The following NELL2 variants were observed in gnomAD, a reference collection of about 807,000 sequenced individuals.
The protein encoded by NELL2 is protein kinase C-binding protein NELL2.
NELL2 carries 41 observed loss-of-function variants against 109.6 expected under a neutral mutation model. That is an observed-to-expected ratio of 0.37 (90% CI 0.29 to 0.49). NELL2 has a LOEUF of 0.49. NELL2 is among the 20% of genes least tolerant of loss of function. The pLI, the probability that NELL2 is intolerant of heterozygous loss-of-function variation, is 0.98. For synonymous variants in NELL2, 355 were observed against 344.7 expected, an observed-to-expected ratio of 1.03 and a Z score of -0.33; for missense variants, 900 against 1,008.3, an observed-to-expected ratio of 0.89 and a Z score of 1.45.
At chr12:44,645,265 G>A (rs1473817539) in intron 13 of NELL2, among the ~76,000 whole-genome samples, 1 of 152,060 alleles carries the variant, frequency 6.6e-6, no homozygotes, top group Non-Finnish European at 1.5e-5. Context: ...AAGAACATGG[G>A]CCAATTTTTT....
At chr12:44,908,989 A>C (rs987962303) in intron 1 of NELL2, among the ~76,000 whole-genome samples, 1 of 151,972 alleles carries the variant, frequency 6.6e-6, no homozygotes, top group African/African-American at 2.4e-5. Flanking sequence ...ACACATAAGA[A>C]CAGAGTAATT....
chr12:44,790,416 C>T (rs1201203198), intron 3 of NELL2, among the ~76,000 whole-genome samples: 2 of 151,988 alleles, frequency 1.3e-5, no homozygotes, highest in East Asian at 3.9e-4. Flanking sequence ...TTTTTGAGAC[C>T]AAGAAATGCT....
chr12:44,797,313 A>G (rs938880952), intron 3 of NELL2, among the ~76,000 whole-genome samples: 7 of 152,136 alleles, frequency 4.6e-5, no homozygotes, highest in Non-Finnish European at 7.4e-5. Flanking sequence ...TGCATCAAGG[A>G]TGGTCATATC....
chr12:44,718,204 C>T lies in NELL2; in HGVS notation c.995-3463G>A, dbSNP rs188580568. 5.7e-4 allele frequency among the ~76,000 whole-genome samples: 86 copies of T among 152,206 alleles called. 3 individuals carry two copies. In the East Asian group the frequency reaches 0.01, roughly 19 times the overall value. ...AAGTGTGTAAACAGAGGAGGGAAAG[C>T]AGATCGGGCCTATGCCCTAATTTTA... On this transcript the variant is annotated intron_variant, in intron 9 of 19. Transcript: ENST00000429094.
At chr12:44,748,539 A>G (rs1213454826) in intron 9 of NELL2, among the ~76,000 whole-genome samples, 1 of 152,192 alleles carries the variant, frequency 6.6e-6, no homozygotes, top group African/African-American at 2.4e-5. Flanking sequence ...AAAACTAAAT[A>G]AATCAGAGTT....
At chr12:44,810,799 T>C (rs757868916) in intron 3 of NELL2, among the ~76,000 whole-genome samples, 1 of 152,238 alleles carries the variant, frequency 6.6e-6, no homozygotes, top group Non-Finnish European at 1.5e-5. Flanking sequence ...GGGACAGGAA[T>C]GGAGTGCCTT....
At chr12:44,875,428 G>A (rs1393389796) in intron 1 of NELL2, 75 bp from the exon 2 acceptor site, 1 of 1,613,698 alleles carries the variant, frequency 6.2e-7, no homozygotes, top group African/African-American at 1.3e-5. Context: ...CTCCAGGGCA[G>A]CAAAGAACCG....
intron 13 of NELL2, among the ~76,000 whole-genome samples, chr12:44,620,852 G>C (rs2136271169): frequency 6.6e-6 from 1 of 152,204 alleles, no homozygotes; most frequent in Middle Eastern, 3.4e-3. Context: ...TGACAACACT[G>C]TCTCCAGTTT....
chr12:44,791,101 A>G (rs1566403962), intron 3 of NELL2, among the ~76,000 whole-genome samples: 4 of 24,966 alleles, frequency 1.6e-4, no homozygotes, highest in East Asian at 1.1e-3. Context: ...ATATATGTAT[A>G]TATATATGTA....
intron 17 of NELL2, among the ~76,000 whole-genome samples, chr12:44,522,413 A>AT (rs576537182): frequency 6.6e-6 from 1 of 151,948 alleles, no homozygotes; most frequent in Admixed American, 6.6e-5. Context: ...ACCAGAAAAT[A>AT]TTTTTTTTCA....
At chr12:44,682,299 T>A (rs1046310454) in intron 12 of NELL2, among the ~76,000 whole-genome samples, 5 of 151,002 alleles carry the variant, frequency 3.3e-5, no homozygotes, top group African/African-American at 1.2e-4. Context: ...TTTGAGTTCA[T>A]TGTAGATTCT....
chr12:44,620,466 A>G (rs930183629), intron 13 of NELL2, among the ~76,000 whole-genome samples: 1 of 152,156 alleles, frequency 6.6e-6, no homozygotes, highest in Non-Finnish European at 1.5e-5. Context: ...CAGAATGGCA[A>G]TCTTGCAGTA....
intron 13 of NELL2, among the ~76,000 whole-genome samples, chr12:44,655,940 T>C (rs567234526): frequency 1.2e-4 from 18 of 152,328 alleles, no homozygotes; most frequent in Non-Finnish European, 1.9e-4. Context: ...AATTTCCTGA[T>C]AGTTTGCAAT....
In NELL2 at chr12:44,821,415, A is replaced by G. The variant is rs1277995790; in HGVS notation, c.185-5279T>C. Among the ~76,000 whole-genome samples, 3 of 152,336 alleles carry G rather than the reference A, an allele frequency of 2.0e-5. No homozygotes were observed. In the East Asian group the frequency reaches 5.8e-4, roughly 29 times the overall value. The stretch of plus-strand genomic sequence containing the variant: ...ACAAATGCAAATAAGAGAGCAACCA[A>G]CACAGAAAATAATTCAGAAACAAGT... On this transcript the variant is annotated intron_variant, in intron 2 of 19. Transcript: ENST00000429094.
chr12:44,727,646 G>A (rs971766938), intron 9 of NELL2, among the ~76,000 whole-genome samples: 1 of 151,942 alleles, frequency 6.6e-6, no homozygotes, highest in African/African-American at 2.4e-5. Flanking sequence ...ACCTGTACTT[G>A]TACCTTGGGA....
intron 9 of NELL2, among the ~76,000 whole-genome samples, chr12:44,759,098 T>C (rs1452704975): frequency 6.6e-6 from 1 of 152,198 alleles, no homozygotes; most frequent in African/African-American, 2.4e-5. Flanking sequence ...ATACTTCCTA[T>C]CTTGTTACTC....
intron 15 of NELL2, among the ~76,000 whole-genome samples, chr12:44,535,239 C>T (rs548709194): frequency 6.6e-6 from 1 of 151,988 alleles, no homozygotes; most frequent in African/African-American, 2.4e-5. Context: ...GCTGTTCCTA[C>T]ACTTTTGATG....
At chr12:44,917,783 G>A (rs1001042916), upstream of NELL2, among the ~76,000 whole-genome samples, 12 of 152,312 alleles carry the variant, frequency 7.9e-5, no homozygotes, top group African/African-American at 2.9e-4. Flanking sequence ...CTGTGGGCTA[G>A]AGAAGTAAGG....
intron 9 of NELL2, among the ~76,000 whole-genome samples, chr12:44,740,487 A>G (rs1056648126): frequency 6.6e-6 from 1 of 152,180 alleles, no homozygotes; most frequent in Non-Finnish European, 1.5e-5. Context: ...GTTTGCATCA[A>G]AGTTTGCTGT....
Sources: allele counts gnomAD v4.1 joint callset (sites outside exome capture counted in the v4.1 genomes callset), GRCh38; gene constraint gnomAD v4.1.1; transcripts MANE v1.5; gene names NCBI Gene and HGNC (gene_info 2026-07-23, HGNC 2026-07-21).